Variants in COL5A2 observed in about 807,000 individuals in gnomAD.
The protein encoded by COL5A2 is collagen alpha-2(V) chain.
In COL5A2, 23 loss-of-function variants were observed where a neutral mutation model predicts 208.2. The ratio of observed to expected loss-of-function variants is 0.11; its 90% CI spans 0.08 to 0.16. The LOEUF is 0.16. Among genes scored for constraint, COL5A2 ranks in the 10% least tolerant of loss-of-function variants. The pLI is 1.00. For synonymous variants in COL5A2, 625 were observed against 628.5 expected (o/e 0.99, Z 0.08); for missense variants, 1,590 against 1,956.4 (o/e 0.81, Z 3.53).
chr2:189,322,438 A>G, the COL5A2 span, among the ~76,000 whole-genome samples: 2 of 152,192 alleles, frequency 1.3e-5, no homozygotes, highest in Non-Finnish European at 2.9e-5. Context: ...TAGCAAGACT[A>G]ATAAAGAAGA....
the COL5A2 span, among the ~76,000 whole-genome samples, chr2:189,435,779 G>A: frequency 6.6e-6 from 1 of 152,114 alleles, no homozygotes; most frequent in East Asian, 1.9e-4. Flanking sequence ...CGATTCCTCA[G>A]GGATCTAGAA....
the COL5A2 span, among the ~76,000 whole-genome samples, chr2:189,366,890 C>G: frequency 6.6e-6 from 1 of 152,128 alleles, no homozygotes; most frequent in East Asian, 1.9e-4. Flanking sequence ...TCAAATCAGG[C>G]GAGAAATGCT....
the COL5A2 span, among the ~76,000 whole-genome samples, chr2:189,439,230 T>C: frequency 6.0e-4 from 91 of 152,328 alleles, no homozygotes; most frequent in Non-Finnish European, 1.2e-3. Flanking sequence ...TTTCTTCCCA[T>C]GATAAGGTAA....
At chr2:189,280,105 CTCTTGT>C in the COL5A2 span, among the ~76,000 whole-genome samples, 1 of 152,118 alleles carries the variant, frequency 6.6e-6, no homozygotes, top group African/African-American at 2.4e-5. Flanking sequence ...TGGTTCCATG[CTCTTGT>C]ACTTCCCAAC....
At chr2:189,239,766 T>C in the COL5A2 span, among the ~76,000 whole-genome samples, 1 of 151,462 alleles carries the variant, frequency 6.6e-6, no homozygotes, top group African/African-American at 2.4e-5. Flanking sequence ...ACTTAAAGTA[T>C]AATAATAATA....
intron 14 of COL5A2, 70 bp from the exon 15 acceptor site, chr2:189,079,177 G>T: frequency 8.4e-7 from 1 of 1,191,794 alleles, no homozygotes; most frequent in Non-Finnish European, 1.2e-6. Context: ...TTCTGTGTGT[G>T]TAATTTTAAA....
At chr2:189,053,518 C>T (rs1346327725) in intron 37 of COL5A2, 41 bp from the exon 38 acceptor site, 1 of 1,500,156 alleles carries the variant, frequency 6.7e-7, no homozygotes, top group South Asian at 1.1e-5. Flanking sequence ...CACACATTAT[C>T]CTAAACAGGA....
chr2:189,380,975 G>A, the COL5A2 span, among the ~76,000 whole-genome samples: 1 of 151,990 alleles, frequency 6.6e-6, no homozygotes, highest in African/African-American at 2.4e-5. Context: ...TGAAGAAGCT[G>A]TGATAAAAAG....
the COL5A2 span, among the ~76,000 whole-genome samples, chr2:189,374,207 T>A: frequency 6.6e-6 from 1 of 152,180 alleles, no homozygotes; most frequent in Non-Finnish European, 1.5e-5. Context: ...GCATGAGTGA[T>A]GAGGCATGGA....
At chr2:189,252,800 A>G in the COL5A2 span, among the ~76,000 whole-genome samples, 2 of 152,098 alleles carry the variant, frequency 1.3e-5, no homozygotes, top group Admixed American at 6.5e-5. Flanking sequence ...TAAACATAAA[A>G]AATAAAAAGA....
intron 10 of COL5A2, among the ~76,000 whole-genome samples, 182 bp from the exon 11 acceptor site, chr2:189,085,395 C>T (rs1686634876): frequency 6.6e-6 from 1 of 152,042 alleles, no homozygotes; most frequent in Non-Finnish European, 1.5e-5. Context: ...TGTTGCATCC[C>T]CAGATCATGT....
At chr2:189,405,445 TG>T in the COL5A2 span, among the ~76,000 whole-genome samples, 1 of 152,194 alleles carries the variant, frequency 6.6e-6, no homozygotes, top group Non-Finnish European at 1.5e-5. Flanking sequence ...TTGGTCAGGC[TG>T]GCTCAAACTC....
At chr2:189,048,360 T>C (rs978226058) in intron 44 of COL5A2, 98 bp from the exon 45 acceptor site, 61 of 1,050,012 alleles carry the variant, frequency 5.8e-5, no homozygotes, top group Non-Finnish European at 8.4e-5. Context: ...ACACCTGTGT[T>C]TTATAAACTG....
chr2:189,329,708 A>G, the COL5A2 span, among the ~76,000 whole-genome samples: 1 of 152,180 alleles, frequency 6.6e-6, no homozygotes, highest in Non-Finnish European at 1.5e-5. Context: ...CAAAACCTCA[A>G]TTCAGTTTAA....
At chr2:189,353,492 A>C in the COL5A2 span, among the ~76,000 whole-genome samples, 1 of 152,154 alleles carries the variant, frequency 6.6e-6, no homozygotes, top group East Asian at 1.9e-4. Flanking sequence ...GTTCTCCTTG[A>C]AAAGGTCCTT....
At chr2:189,423,980 T>C in the COL5A2 span, among the ~76,000 whole-genome samples, 1 of 151,876 alleles carries the variant, frequency 6.6e-6, no homozygotes, top group African/African-American at 2.4e-5. Context: ...AATTAAATAG[T>C]ATCTTAAAAA....
chr2:189,336,665 A>G, the COL5A2 span, among the ~76,000 whole-genome samples: 3 of 152,222 alleles, frequency 2.0e-5, no homozygotes, highest in African/African-American at 7.2e-5. Flanking sequence ...AGACATGCAA[A>G]ACTAATCCAT....
intron 16 of COL5A2, among the ~76,000 whole-genome samples, chr2:189,076,908 C>G (rs1388608909): frequency 6.6e-6 from 1 of 151,958 alleles, no homozygotes; most frequent in Non-Finnish European, 1.5e-5. Flanking sequence ...ATGTGAGACC[C>G]TGTCTCTACA....
the COL5A2 span, among the ~76,000 whole-genome samples, chr2:189,349,515 C>T: frequency 7.9e-5 from 12 of 152,134 alleles, no homozygotes; most frequent in Non-Finnish European, 1.5e-4. Context: ...GTGTAGCAGA[C>T]ACACATGGAT....
Sources: gnomAD v4.1 joint callset for allele counts (sites outside exome capture counted in the v4.1 genomes callset) on GRCh38, gnomAD v4.1.1 for gene constraint, MANE v1.5 for transcripts, NCBI Gene and HGNC (gene_info 2026-07-23, HGNC 2026-07-21) for gene names.